The following TMPRSS4 variants were observed in gnomAD, a reference collection of about 807,000 sequenced individuals.
TMPRSS4 encodes transmembrane serine protease 4.
Under a neutral mutation model 56.4 loss-of-function variants are expected in TMPRSS4, and 45 were observed. That is an observed-to-expected ratio of 0.80 (90% confidence interval 0.63 to 1.02). The LOEUF (loss-of-function observed/expected upper bound fraction) is 1.02. TMPRSS4 is among the 50% of genes least tolerant of loss of function. The pLI, the probability that TMPRSS4 is intolerant of heterozygous loss-of-function variation, is 0.00. For synonymous variants in TMPRSS4, 205 were observed against 211.0 expected, an observed-to-expected ratio of 0.97 and a Z score of 0.25; for missense variants, 546 against 556.7, an observed-to-expected ratio of 0.98 and a Z score of 0.19.
At chr11:118,079,571 T>A (rs1306832021) in intron 1 of TMPRSS4, among the ~76,000 whole-genome samples, 1 of 152,202 alleles carries the variant, frequency 6.6e-6, no homozygotes, top group Non-Finnish European at 1.5e-5. Flanking sequence ...TGGCCTTGAC[T>A]CATTACTGTT....
chr11:118,125,478 AC>A (rs1386619035), downstream of TMPRSS4, among the ~76,000 whole-genome samples: 1 of 152,006 alleles, frequency 6.6e-6, no homozygotes, highest in Non-Finnish European at 1.5e-5. Flanking sequence ...CTGGGATTGA[AC>A]CCCCAAATAA....
At chr11:118,112,944 A>C (rs1947354147) in intron 8 of TMPRSS4, among the ~76,000 whole-genome samples, 1 of 151,830 alleles carries the variant, frequency 6.6e-6, no homozygotes, top group Non-Finnish European at 1.5e-5. Context: ...TGTAACTGAC[A>C]GCATGAGTAA....
chr11:118,104,921 T>C, intron 5 of TMPRSS4, 101 bp downstream of exon 5: 1 of 1,297,460 alleles, frequency 7.7e-7, no homozygotes. Flanking sequence ...ATTACGGGCA[T>C]TGGAGCCAGG....
Position 118,119,411 on chromosome 11 carries a change from C to A in TMPRSS4, c.*1498C>A. The A allele has an allele frequency of 2.1e-6, 2 of 937,204 alleles. No individual in the cohort carries two copies. The highest frequency in any genetic ancestry group is 2.5e-6 in the Non-Finnish European group (2 of 786,184). 58.1% of individuals were successfully genotyped at this position (937,204 alleles called of 1,614,324 possible). A position where few individuals can be genotyped will look rare whatever the true frequency, so the allele number is the denominator to read the frequency against. On this transcript the variant is annotated 3_prime_UTR_variant, in exon 13 of 13. Transcript: ENST00000437212. ...AGCCTCAGGATTCCCAAAGATCCTC[C>A]AAATATGAGCTCACAATCAAAGATC...
intron 2 of TMPRSS4, 186 bp downstream of exon 2, chr11:118,095,041 G>A (rs1223710525): frequency 1.5e-6 from 1 of 651,228 alleles, no homozygotes; most frequent in Non-Finnish European, 2.7e-6. Context: ...AGAAGTAGGA[G>A]GCCTGGACTC....
downstream of TMPRSS4, among the ~76,000 whole-genome samples, chr11:118,124,280 G>A (rs1247866873): frequency 1.3e-5 from 2 of 152,152 alleles, no homozygotes; most frequent in Non-Finnish European, 2.9e-5. Flanking sequence ...ACCTACTTGG[G>A]AGGCTGAGGC....
chr11:118,110,753 C>T (rs1005368295), intron 7 of TMPRSS4, among the ~76,000 whole-genome samples: 8 of 152,180 alleles, frequency 5.3e-5, no homozygotes, highest in African/African-American at 1.2e-4. Context: ...AAGAATCTAA[C>T]GCCACCTCTG....
chr11:118,103,973 A>G (rs998397046), intron 4 of TMPRSS4, among the ~76,000 whole-genome samples: 2 of 152,172 alleles, frequency 1.3e-5, no homozygotes, highest in African/African-American at 4.8e-5. Flanking sequence ...GTGTTTGCTG[A>G]GACATGCTAT....
At chr11:118,088,397 C>A (rs199883247) in intron 1 of TMPRSS4, 3 of 41,316 alleles carry the variant, frequency 7.3e-5, no homozygotes, top group African/African-American at 2.4e-4. Flanking sequence ...ATGTCTTCCT[C>A]TGCCGGTGAC....
chr11:118,111,131 C>T (rs1016723532), intron 7 of TMPRSS4, among the ~76,000 whole-genome samples: 2 of 152,148 alleles, frequency 1.3e-5, no homozygotes, highest in African/African-American at 2.4e-5. Context: ...GCTCCACAAC[C>T]GTGGTGGTGG....
chr11:118,119,791 A>T lies in TMPRSS4; in HGVS notation c.*1878A>T, dbSNP rs368347801. On this transcript the variant is annotated 3_prime_UTR_variant, in exon 13 of 13. Coordinates refer to ENST00000437212, the MANE Select transcript of TMPRSS4 (RefSeq NM_019894.4). ...ACCACACTATAGGGCCTCCAATATG[A>T]TAATTTATAAAATATTTGAATAAAA... is the stretch of plus-strand genomic sequence containing the variant. 1.4e-4 allele frequency: 22 copies of T among 152,340 alleles called. No homozygotes were observed. The highest frequency in any genetic ancestry group is 5.1e-4 in the African/African-American group (21 of 41,564). 9.4% of individuals were successfully genotyped at this position (152,340 alleles called of 1,614,324 possible). A position where few individuals can be genotyped will look rare whatever the true frequency, so the allele number is the denominator to read the frequency against.
At chr11:118,102,856 C>T in intron 3 of TMPRSS4, 2 of 496,798 alleles carry the variant, frequency 4.0e-6, no homozygotes. Flanking sequence ...GTTTCTCCCA[C>T]ACACGTGACC....
chr11:118,083,404 G>A (rs1372648130), intron 1 of TMPRSS4, among the ~76,000 whole-genome samples: 2 of 152,088 alleles, frequency 1.3e-5, no homozygotes, highest in Admixed American at 6.5e-5. Flanking sequence ...CAACTGCCCT[G>A]GTCACTGTCC....
chr11:118,097,323 G>T (rs1022105919), intron 2 of TMPRSS4, among the ~76,000 whole-genome samples: 1 of 152,022 alleles, frequency 6.6e-6, no homozygotes, highest in African/African-American at 2.4e-5. Context: ...GAAAAAAAAA[G>T]CAAGAAAGGA....
At chr11:118,098,201 A>G (rs1254247081) in intron 2 of TMPRSS4, among the ~76,000 whole-genome samples, 1 of 152,172 alleles carries the variant, frequency 6.6e-6, no homozygotes, top group African/African-American at 2.4e-5. Context: ...AGCTGCCTTC[A>G]CCCATCCTGC....
chr11:118,104,915 C>G, intron 5 of TMPRSS4, 95 bp downstream of exon 5: 7 of 1,348,518 alleles, frequency 5.2e-6, no homozygotes, highest in Non-Finnish European at 6.9e-6. Flanking sequence ...CTAAAAATTA[C>G]GGGCATTGGA....
downstream of TMPRSS4, chr11:118,125,335 G>T (rs980649836): frequency 4.4e-6 from 2 of 456,602 alleles, no homozygotes; most frequent in Non-Finnish European, 8.8e-6. Flanking sequence ...CCAGGGACAG[G>T]TCTTGTGATT....
intron 11 of TMPRSS4, 58 bp from the exon 12 acceptor site, chr11:118,117,244 AAGG>A (rs1947611058): frequency 6.4e-7 from 1 of 1,562,010 alleles, no homozygotes; most frequent in Non-Finnish European, 8.8e-7. Context: ...GGGAGCAGAG[AAGG>A]AGAAGCCCCC....
intron 1 of TMPRSS4, chr11:118,088,264 T>C (rs780863638): frequency 2.6e-5 from 4 of 152,260 alleles, no homozygotes; most frequent in Middle Eastern, 3.2e-3. Context: ...TGGGGACAAT[T>C]TCTCAGGGTT....
Sources: gnomAD v4.1 joint callset for allele counts (sites outside exome capture counted in the v4.1 genomes callset) on GRCh38, gnomAD v4.1.1 for gene constraint, MANE v1.5 for transcripts, NCBI Gene and HGNC (gene_info 2026-07-23, HGNC 2026-07-21) for gene names.